GPC5: variants seen among roughly 807,000 people sequenced by gnomAD.
GPC5 encodes the protein glypican-5.
GPC5 carries 47 observed loss-of-function variants against 53.9 expected under a neutral mutation model. That is an observed-to-expected ratio of 0.87 (90% confidence interval 0.69 to 1.11). GPC5 has a LOEUF of 1.11. Among genes scored for constraint, GPC5 ranks in the 50% most tolerant of loss-of-function variants. GPC5 has a pLI of 0.00. For synonymous variants in GPC5, 286 were observed against 263.3 expected (o/e 1.09, Z -0.84); for missense variants, 748 against 713.1 (o/e 1.05, Z -0.56).
intron 7 of GPC5, among the ~76,000 whole-genome samples, chr13:92,673,251 G>A (rs1320167851): frequency 6.6e-6 from 1 of 151,264 alleles, no homozygotes; most frequent in Non-Finnish European, 1.5e-5. Flanking sequence ...ACAAACTGGT[G>A]TTTCAGTGAA....
intron 7 of GPC5, among the ~76,000 whole-genome samples, chr13:92,692,009 C>G (rs1887415691): frequency 6.6e-6 from 1 of 152,050 alleles, no homozygotes; most frequent in Non-Finnish European, 1.5e-5. Context: ...GTTAATTTTT[C>G]AACCCTTGTC....
chr13:92,505,861 A>G (rs1203515102), intron 7 of GPC5, among the ~76,000 whole-genome samples: 4 of 152,156 alleles, frequency 2.6e-5, no homozygotes, highest in African/African-American at 9.7e-5. Context: ...CCAGTATCAA[A>G]AAGTTACAGC....
intron 7 of GPC5, among the ~76,000 whole-genome samples, chr13:92,324,158 A>G (rs2043234646): frequency 6.6e-6 from 1 of 152,010 alleles, no homozygotes; most frequent in East Asian, 1.9e-4. Flanking sequence ...TTACTTTATA[A>G]TATGACAGGG....
At chr13:91,933,019 T>C (rs1166062032) in intron 6 of GPC5, among the ~76,000 whole-genome samples, 10 of 152,052 alleles carry the variant, frequency 6.6e-5, no homozygotes, top group Non-Finnish European at 1.3e-4. Flanking sequence ...TTGAAATTTT[T>C]AAAGTGGCAT....
At chr13:91,903,270 T>A (rs1003323124) in intron 5 of GPC5, among the ~76,000 whole-genome samples, 25 of 152,254 alleles carry the variant, frequency 1.6e-4, no homozygotes, top group African/African-American at 5.8e-4. Flanking sequence ...TTGTAATTCA[T>A]TAGTTCTCAT....
intron 7 of GPC5, among the ~76,000 whole-genome samples, chr13:92,249,864 G>A (rs1185752026): frequency 1.3e-5 from 2 of 152,022 alleles, no homozygotes; most frequent in African/African-American, 2.4e-5. Context: ...TAGTGTAAGT[G>A]TTATCCATTT....
chr13:91,772,660 A>G (rs2037645126), intron 5 of GPC5, among the ~76,000 whole-genome samples: 1 of 152,234 alleles, frequency 6.6e-6, no homozygotes, highest in Non-Finnish European at 1.5e-5. Context: ...AAGATTAAGG[A>G]GAAATGCAAT....
rs1231590428 is a variant in GPC5, at chr13:91,448,706, T to C, written c.164-55T>C. 8.3e-6 allele frequency: 13 copies of C among 1,569,788 alleles called. No individual in the cohort carries two copies. The East Asian group carries it at 2.7e-4, about 32-fold the overall frequency. ...TGGTCATAACGCCTGATATATAATA[T>C]GTAATACTTGTTAAATGAACAGGTA... On this transcript the variant is annotated intron_variant, in intron 1 of 7. Transcript: ENST00000377067.
intron 7 of GPC5, among the ~76,000 whole-genome samples, chr13:92,559,385 C>T (rs1307749189): frequency 6.7e-6 from 1 of 149,150 alleles, no homozygotes; most frequent in Non-Finnish European, 1.5e-5. Flanking sequence ...TGTGGGGGCG[C>T]GGGTGTACTA....
intron 7 of GPC5, among the ~76,000 whole-genome samples, chr13:92,709,121 C>T (rs553288698): frequency 6.6e-6 from 1 of 151,698 alleles, no homozygotes; most frequent in East Asian, 1.9e-4. Context: ...GATCTCAGCT[C>T]ACTGCAACCT....
intron 7 of GPC5, among the ~76,000 whole-genome samples, chr13:92,360,268 C>T (rs1417395952): frequency 6.6e-6 from 1 of 151,542 alleles, no homozygotes; most frequent in Non-Finnish European, 1.5e-5. Context: ...ATCAAAAAAT[C>T]GAATCCATCA....
chr13:92,270,729 T>C (rs2042834093), intron 7 of GPC5, among the ~76,000 whole-genome samples: 2 of 152,222 alleles, frequency 1.3e-5, no homozygotes, highest in Non-Finnish European at 2.9e-5. Flanking sequence ...GGTTGCTGTT[T>C]CATAATAGAA....
intron 2 of GPC5, among the ~76,000 whole-genome samples, chr13:91,502,089 GTTGT>G (rs1356335028): frequency 1.3e-5 from 2 of 152,142 alleles, no homozygotes; most frequent in Admixed American, 6.5e-5. Flanking sequence ...TTTTGATGGG[GTTGT>G]TTGTTTTTTT....
intron 2 of GPC5, among the ~76,000 whole-genome samples, chr13:91,684,871 T>G (rs2035587538): frequency 6.6e-6 from 1 of 152,186 alleles, no homozygotes; most frequent in Non-Finnish European, 1.5e-5. Flanking sequence ...CTCAGACCTT[T>G]CTCTATTCTC....
intron 6 of GPC5, among the ~76,000 whole-genome samples, chr13:91,984,582 T>C (rs1289601178): frequency 2.6e-5 from 4 of 152,238 alleles, no homozygotes; most frequent in Non-Finnish European, 2.9e-5. Context: ...GTTGTTTTCA[T>C]GAGAGGGCTT....
At chr13:91,559,313 T>C (rs1011258862) in intron 2 of GPC5, among the ~76,000 whole-genome samples, 3 of 152,140 alleles carry the variant, frequency 2.0e-5, no homozygotes, top group South Asian at 4.1e-4. Flanking sequence ...ATGTATGATT[T>C]GGAACAATTT....
intron 7 of GPC5, among the ~76,000 whole-genome samples, chr13:92,146,455 G>GA (rs1224463215): frequency 1.3e-5 from 2 of 151,972 alleles, no homozygotes; most frequent in East Asian, 3.9e-4. Flanking sequence ...AGTTTTCTGT[G>GA]AAAAAAATAC....
chr13:92,781,722 T>C (rs1455879001), intron 7 of GPC5, among the ~76,000 whole-genome samples: 1 of 152,164 alleles, frequency 6.6e-6, no homozygotes, highest in African/African-American at 2.4e-5. Flanking sequence ...GCTTTCATTA[T>C]TTAAAACTTT....
chr13:92,010,793 C>T (rs1225119494), intron 6 of GPC5, among the ~76,000 whole-genome samples: 4 of 152,152 alleles, frequency 2.6e-5, no homozygotes, highest in Admixed American at 2.6e-4. Flanking sequence ...GGAGGCCACA[C>T]GAGGCACCAA....
Sources: allele counts gnomAD v4.1 joint callset (sites outside exome capture counted in the v4.1 genomes callset), GRCh38; gene constraint gnomAD v4.1.1; transcripts MANE v1.5; gene names NCBI Gene and HGNC (gene_info 2026-07-23, HGNC 2026-07-21).